Variants in CIITA observed in about 807,000 individuals in gnomAD.
CIITA encodes MHC class II transactivator.
CIITA carries 72 observed loss-of-function variants against 115.1 expected under a neutral mutation model. The observed-to-expected ratio is 0.63, with a 90% CI of 0.52 to 0.76. CIITA has a LOEUF of 0.76. CIITA is among the 30% of genes least tolerant of loss of function. The probability of loss-of-function intolerance (pLI) is 0.00; values close to 1 mark genes in which losing one functional copy is unlikely to be tolerated. For synonymous variants in CIITA, 763 were observed against 635.6 expected, an observed-to-expected ratio of 1.20 and a Z score of -3.02; for missense variants, 1,617 against 1,463.8, an observed-to-expected ratio of 1.10 and a Z score of -1.71.
intron 1 of CIITA, among the ~76,000 whole-genome samples, chr16:10,883,846 C>T (rs1230435848): frequency 6.6e-6 from 1 of 152,172 alleles, no homozygotes; most frequent in Non-Finnish European, 1.5e-5. Flanking sequence ...TTAGCCAATC[C>T]CATAGGGAGC....
At chr16:10,870,685 C>G (rs111858212) in intron 1 of CIITA, among the ~76,000 whole-genome samples, 2 of 152,216 alleles carry the variant, frequency 1.3e-5, no homozygotes, top group Non-Finnish European at 1.5e-5. Context: ...GGCCACATGA[C>G]TAGACCACTC....
At chr16:10,915,708 T>C in intron 14 of CIITA, 58 bp downstream of exon 14, 1 of 1,434,242 alleles carries the variant, frequency 7.0e-7, no homozygotes, top group Non-Finnish European at 9.8e-7. Flanking sequence ...GCTGTGATCA[T>C]AGCTCACTGC....
intron 1 of CIITA, among the ~76,000 whole-genome samples, chr16:10,867,873 A>G (rs1210846559): frequency 6.6e-6 from 1 of 151,990 alleles, no homozygotes; most frequent in Non-Finnish European, 1.5e-5. Context: ...CTCCCACCTC[A>G]GCCTCCCAAC....
At chr16:10,908,896 C>A in intron 11 of CIITA, 133 bp from the exon 12 acceptor site, 1 of 1,320,494 alleles carries the variant, frequency 7.6e-7, no homozygotes, top group South Asian at 1.2e-5. Flanking sequence ...TCATGGAAGG[C>A]TTTCTGGGAA....
In CIITA at chr16:10,942,136, C is replaced by A. The variant is rs1257048710; in HGVS notation, n.1262C>A. On this transcript the variant is annotated non_coding_transcript_exon_variant, in exon 2 of 2. Transcript: ENST00000573379. The surrounding 1 kb of genome is among the most constrained non-coding windows in gnomAD (Gnocchi z 5.0). ...AGCCCGACAGAAGCAGGGCCGGGCT[C>A]CAGATGTCCCCTGGCAATTGCGCCC... is the stretch of plus-strand genomic sequence containing the variant. 1 of 651,854 alleles carries A rather than the reference C, an allele frequency of 1.5e-6. No homozygotes were observed. The highest frequency in any genetic ancestry group is 2.3e-6 in the Non-Finnish European group (1 of 437,786). The allele number at this position is 651,854 out of a possible 1,614,324, so 40.4% of individuals were successfully genotyped here.
rs77748927 is a variant in CIITA at position 10,932,027 on chromosome 16, G to T, written c.*8172G>T. On this transcript the variant is annotated 3_prime_UTR_variant, in exon 20 of 20. Transcript: ENST00000324288. ...GTGTTGTATGAGGTTTGAGGATTTT[G>T]ATCCAAGCTGGTCCCACTCAGTCCA... 9,221 of 152,346 alleles carry T rather than the reference G, an allele frequency of 0.061. 282 individuals are homozygous for T. The highest frequency in any genetic ancestry group is 0.11 in the East Asian group (595 of 5,188). 9.4% of individuals were successfully genotyped at this position (152,346 alleles called of 1,614,324 possible).
At chr16:10,905,660 G>C (rs2039090591) in intron 10 of CIITA, among the ~76,000 whole-genome samples, 1 of 152,080 alleles carries the variant, frequency 6.6e-6, no homozygotes, top group Non-Finnish European at 1.5e-5. Flanking sequence ...TACTTGGCAG[G>C]CCGAGGCAGG....
At chr16:10,909,887 A>G (rs2039439748) in intron 12 of CIITA, among the ~76,000 whole-genome samples, 1 of 152,162 alleles carries the variant, frequency 6.6e-6, no homozygotes, top group South Asian at 2.1e-4. Flanking sequence ...GGTGCACGTC[A>G]TCACACCGGA....
rs762827925 is a variant in CIITA, at chr16:10,898,720, A to C, written c.346A>C (p.Lys116Gln). 1.9e-6 allele frequency: 3 copies of C among 1,611,974 alleles called. No homozygotes were observed. Among genetic ancestry groups the C allele is most frequent in the Admixed American group, 3.4e-5 (2 of 59,650 alleles). The change falls in exon 4 of 20, where the codon AAG (lysine) becomes CAG (glutamine). Residue 116 changes from lysine (K) to glutamine (Q), a missense_variant. By Grantham distance (53) the Lys-to-Gln change is moderately conservative. Coordinates refer to ENST00000324288, the MANE Select transcript of CIITA (RefSeq NM_000246.4). Reference sequence around the variant, plus strand: ...GGACTCCCAGCTGGAGGGCCTGAGCAAGGACATTTTCAGTAAGTTTGTGGT... The same window carrying C: ...GGACTCCCAGCTGGAGGGCCTGAGCCAGGACATTTTCAGTAAGTTTGTGGT... Reference protein sequence around the residue: ...FQDSQLEGLSKDIFKHIGPDE... With the variant: ...FQDSQLEGLSQDIFKHIGPDE...
chr16:10,867,549 G>A (rs1047789846), intron 1 of CIITA, among the ~76,000 whole-genome samples: 2 of 151,986 alleles, frequency 1.3e-5, no homozygotes, highest in Non-Finnish European at 2.9e-5. Context: ...GAAGGTGGGG[G>A]AAAGAAAGAG....
intron 16 of CIITA, 135 bp from the exon 17 acceptor site, chr16:10,922,032 T>C (rs1375578102): frequency 5.0e-5 from 40 of 796,086 alleles, no homozygotes; most frequent in Non-Finnish European, 5.8e-5. Context: ...CCAGGCTCTG[T>C]TGTGCAATAA....
At chr16:10,884,773 A>G (rs981432316) in intron 1 of CIITA, among the ~76,000 whole-genome samples, 2 of 151,940 alleles carry the variant, frequency 1.3e-5, no homozygotes, top group Non-Finnish European at 2.9e-5. Flanking sequence ...AGTGCACCCA[A>G]CACCCCAGAT....
intron 10 of CIITA, among the ~76,000 whole-genome samples, chr16:10,905,032 C>G (rs932485356): frequency 9.9e-5 from 15 of 152,178 alleles, no homozygotes. Flanking sequence ...CTTCAATAAG[C>G]CTGCACTGGG....
At position 10,926,861 on chromosome 16, in the gene CIITA, T is replaced by C. The variant is rs1183952709; in HGVS notation, c.*3006T>C. ...TGAGCAGATACATGCAAAGCCCTTATCACAGTGCAAGGGAAATTCAAAGCG... is the reference window on the plus strand; with the variant it reads ...TGAGCAGATACATGCAAAGCCCTTACCACAGTGCAAGGGAAATTCAAAGCG... On this transcript the variant is annotated 3_prime_UTR_variant, in exon 20 of 20. Transcript: ENST00000324288. 1 of 152,226 alleles carries C rather than the reference T, an allele frequency of 6.6e-6. No homozygotes were observed. The highest frequency in any genetic ancestry group is 1.5e-5 in the Non-Finnish European group (1 of 68,052). The allele number at this position is 152,226 out of a possible 1,614,324, so 9.4% of individuals were successfully genotyped here.
At chr16:10,940,039 G>A (rs1014762508), downstream of CIITA, 3 of 152,240 alleles carry the variant, frequency 2.0e-5, no homozygotes, top group African/African-American at 2.4e-5. This position sits in a 1 kb window ranked among gnomAD's most constrained non-coding sequence, Gnocchi z 4.2. Flanking sequence ...CTTGGTTCTC[G>A]CTAAGATGTT....
chr16:10,904,523 A>C (rs1056391756), intron 9 of CIITA, among the ~76,000 whole-genome samples: 1 of 152,134 alleles, frequency 6.6e-6, no homozygotes, highest in African/African-American at 2.4e-5. Flanking sequence ...ACCCAGCCTG[A>C]TATTGCGATT....
intron 5 of CIITA, among the ~76,000 whole-genome samples, chr16:10,900,484 AAT>A (rs1350526851): frequency 1.3e-5 from 2 of 152,172 alleles, no homozygotes; most frequent in Non-Finnish European, 2.9e-5. Flanking sequence ...TCACATCTGT[AAT>A]CCCAGCACTT....
intron 3 of CIITA, among the ~76,000 whole-genome samples, chr16:10,898,409 C>T (rs916612838): frequency 2.0e-5 from 3 of 151,998 alleles, no homozygotes; most frequent in Non-Finnish European, 2.9e-5. Context: ...TCAAATCCTG[C>T]AGTAACTCTA....
rs147108692 is a variant in CIITA, at chr16:10,866,984, G to A, written c.-21+665G>A. ...AATGGGGCCGGGTGCACTGGCTCAC[G>A]CCTGTAATCCCAGCATTTTGGGAGG... On this transcript the variant is annotated intron_variant, in intron 1 of 5. Coordinates refer to the CIITA transcript ENST00000636238. 9.1e-3 allele frequency among the ~76,000 whole-genome samples: 1,381 copies of A among 152,304 alleles called. 19 individuals are homozygous for A. Among genetic ancestry groups the A allele is most frequent in the African/African-American group, 0.032 (1,321 of 41,564 alleles).
Sources: allele counts gnomAD v4.1 joint callset (sites outside exome capture counted in the v4.1 genomes callset), GRCh38; gene constraint gnomAD v4.1.1; non-coding constraint Gnocchi (gnomAD v3.1); transcripts MANE v1.5; gene names NCBI Gene and HGNC (gene_info 2026-07-23, HGNC 2026-07-21).